VWC2: variants seen among roughly 807,000 people sequenced by gnomAD.
VWC2 encodes the protein brorin.
Under a neutral mutation model 29.8 loss-of-function variants are expected in VWC2, and 14 were observed. The ratio of observed to expected loss-of-function variants is 0.47; its 90% CI spans 0.31 to 0.74. The LOEUF is 0.74. Among genes scored for constraint, VWC2 ranks in the 30% least tolerant of loss-of-function variants. VWC2 has a pLI of 0.05. For missense variants in VWC2, 457 were observed against 459.8 expected, an observed-to-expected ratio of 0.99 and a Z score of 0.05; for synonymous variants, 213 against 199.0, an observed-to-expected ratio of 1.07 and a Z score of -0.59.
intron 3 of VWC2, among the ~76,000 whole-genome samples, chr7:49,894,858 G>T (rs1792306344): frequency 6.6e-6 from 1 of 152,194 alleles, no homozygotes; most frequent in Non-Finnish European, 1.5e-5. Flanking sequence ...CCTATCCTGG[G>T]CTAGAGTGTG....
intron 3 of VWC2, among the ~76,000 whole-genome samples, chr7:49,841,069 G>A (rs1440946436): frequency 2.0e-5 from 3 of 152,222 alleles, no homozygotes; most frequent in Non-Finnish European, 4.4e-5. Flanking sequence ...GGATTCCAGA[G>A]GAATGTGGAC....
intron 3 of VWC2, among the ~76,000 whole-genome samples, chr7:49,911,046 G>A (rs1299251453): frequency 1.3e-5 from 2 of 152,234 alleles, no homozygotes; most frequent in Non-Finnish European, 2.9e-5. Flanking sequence ...TATCTCTGCT[G>A]AAAGTGTCCT....
intron 3 of VWC2, among the ~76,000 whole-genome samples, chr7:49,864,512 G>A (rs1050839980): frequency 2.0e-5 from 3 of 152,156 alleles, no homozygotes; most frequent in Non-Finnish European, 4.4e-5. Context: ...CTCTTTCTGG[G>A]CTCTTTCTCC....
At chr7:49,791,070 G>C (rs1788454229) in intron 2 of VWC2, among the ~76,000 whole-genome samples, 1 of 152,082 alleles carries the variant, frequency 6.6e-6, no homozygotes, top group Non-Finnish European at 1.5e-5. Flanking sequence ...CTGTGGGTGT[G>C]TTTTCACTCC....
intron 3 of VWC2, among the ~76,000 whole-genome samples, chr7:49,832,431 A>G (rs1789555464): frequency 6.6e-6 from 1 of 152,128 alleles, no homozygotes; most frequent in Admixed American, 6.5e-5. Flanking sequence ...TGAGAAATAG[A>G]ATGAGGTTCC....
At chr7:49,775,283 G>A (rs1001446290) in intron 1 of VWC2, 50 bp from the exon 2 acceptor site, 1 of 352,086 alleles carries the variant, frequency 2.8e-6, no homozygotes, top group Non-Finnish European at 4.6e-6. Context: ...GCGGCGGGCC[G>A]GGGCGCGCGC....
At chr7:49,881,842 CAG>C (rs539040747) in intron 3 of VWC2, among the ~76,000 whole-genome samples, 191 of 151,956 alleles carry the variant, frequency 1.3e-3, no homozygotes, top group African/African-American at 4.5e-3. Context: ...TACTACTAAA[CAG>C]ATATTTTTCT....
intron 3 of VWC2, among the ~76,000 whole-genome samples, chr7:49,874,904 G>A (rs1361474155): frequency 6.6e-6 from 1 of 152,126 alleles, no homozygotes; most frequent in African/African-American, 2.4e-5. Flanking sequence ...ATTTGTATGA[G>A]AGAGTGAGAT....
chr7:49,856,438 C>T (rs1011974409), intron 3 of VWC2, among the ~76,000 whole-genome samples: 1 of 152,150 alleles, frequency 6.6e-6, no homozygotes. Context: ...AAGATGTTGG[C>T]CCCATGCTTC....
chr7:49,797,949 A>T (rs1788634587), intron 2 of VWC2, among the ~76,000 whole-genome samples: 1 of 152,232 alleles, frequency 6.6e-6, no homozygotes, highest in African/African-American at 2.4e-5. Flanking sequence ...GTAGGTGGTG[A>T]TTTGCTAATA....
rs1333106077 is a variant in VWC2, at chr7:49,914,730, A to C, written c.*2545A>C. The C allele has an allele frequency of 6.6e-6, 1 of 152,204 alleles. No individual in the cohort carries two copies. Among genetic ancestry groups the C allele is most frequent in the Non-Finnish European group, 1.5e-5 (1 of 68,042 alleles). 9.4% of individuals were successfully genotyped at this position (152,204 alleles called of 1,614,324 possible). ...TCTGTTGTCAGAGAACTCTTTGCTG[A>C]GATTGTCAACAACAAACTGTTCTAT... is the stretch of plus-strand genomic sequence containing the variant. On this transcript the variant is annotated 3_prime_UTR_variant, in exon 4 of 4. Transcript: ENST00000340652.
chr7:49,847,248 A>T (rs1051991670), intron 3 of VWC2, among the ~76,000 whole-genome samples: 5 of 149,172 alleles, frequency 3.4e-5, no homozygotes, highest in African/African-American at 1.2e-4. Flanking sequence ...ATAATATAAT[A>T]TAATTAGGTT....
intron 3 of VWC2, among the ~76,000 whole-genome samples, chr7:49,854,601 T>C (rs1448237257): frequency 1.3e-5 from 2 of 152,274 alleles, no homozygotes; most frequent in African/African-American, 4.8e-5. Context: ...TCTTTGCAGA[T>C]TCTGGATATT....
chr7:49,808,086 G>T (rs1339738670), intron 3 of VWC2, among the ~76,000 whole-genome samples: 2 of 151,658 alleles, frequency 1.3e-5, no homozygotes, highest in African/African-American at 2.4e-5. Context: ...TCCTGTTCTT[G>T]GTGCATATAT....
At chr7:49,905,905 C>A (rs1793060683) in intron 3 of VWC2, among the ~76,000 whole-genome samples, 1 of 152,218 alleles carries the variant, frequency 6.6e-6, no homozygotes, top group Non-Finnish European at 1.5e-5. Context: ...CTGCTACACT[C>A]CCACCAGCAC....
chr7:49,897,381 A>G (rs1792442500), intron 3 of VWC2, among the ~76,000 whole-genome samples: 1 of 152,214 alleles, frequency 6.6e-6, no homozygotes, highest in African/African-American at 2.4e-5. Context: ...ATACTGCCAC[A>G]AAATTTCTTT....
At chr7:49,891,971 C>G (rs552233374) in intron 3 of VWC2, among the ~76,000 whole-genome samples, 49 of 139,676 alleles carry the variant, frequency 3.5e-4, no homozygotes, top group African/African-American at 8.2e-4. Context: ...TGAAAAGATA[C>G]AAATACGGAC....
At chr7:49,898,145 GTA>G (rs1792487484) in intron 3 of VWC2, among the ~76,000 whole-genome samples, 1 of 151,842 alleles carries the variant, frequency 6.6e-6, no homozygotes, top group African/African-American at 2.4e-5. Flanking sequence ...ATGTGTGTGT[GTA>G]TATATATGTG....
intron 3 of VWC2, among the ~76,000 whole-genome samples, chr7:49,847,785 G>A (rs569331129): frequency 1.3e-5 from 2 of 152,170 alleles, no homozygotes; most frequent in Admixed American, 1.3e-4. Flanking sequence ...CCTGTGTCTG[G>A]AACCTGGCCC....
Sources: allele counts gnomAD v4.1 joint callset (sites outside exome capture counted in the v4.1 genomes callset), GRCh38; gene constraint gnomAD v4.1.1; transcripts MANE v1.5; gene names NCBI Gene and HGNC (gene_info 2026-07-23, HGNC 2026-07-21).